STAU1: variants seen among roughly 807,000 people sequenced by gnomAD.
The protein encoded by STAU1 is double-stranded RNA-binding protein Staufen homolog 1.
STAU1 carries 13 observed loss-of-function variants against 62.9 expected under a neutral mutation model. That is an observed-to-expected ratio of 0.21 (90% CI 0.13 to 0.33). The LOEUF is 0.33. STAU1 is among the 10% of genes least tolerant of loss of function. STAU1 has a pLI of 1.00. For missense variants in STAU1, 571 were observed against 712.1 expected (o/e 0.80, Z 2.25); for synonymous variants, 269 against 265.1 (o/e 1.01, Z -0.14).
intron 5 of STAU1, among the ~76,000 whole-genome samples, chr20:49,141,154 T>C (rs956241583): frequency 8.5e-5 from 13 of 152,184 alleles, no homozygotes; most frequent in African/African-American, 3.1e-4. Context: ...TCAGCCCAAT[T>C]AGGTTTAACT....
At chr20:49,191,101 C>T (rs989212050), upstream of STAU1, among the ~76,000 whole-genome samples, 2 of 151,684 alleles carry the variant, frequency 1.3e-5, no homozygotes, top group African/African-American at 2.4e-5. Context: ...GATCTCGGCT[C>T]ACTGCAACCT....
chr20:49,143,183 C>T (rs1269413583), intron 5 of STAU1, among the ~76,000 whole-genome samples: 2 of 152,170 alleles, frequency 1.3e-5, no homozygotes, highest in Non-Finnish European at 2.9e-5. Flanking sequence ...TCTACAAAAA[C>T]CATTCCCAGT....
the STAU1 span, among the ~76,000 whole-genome samples, chr20:49,217,427 C>T: frequency 1.3e-5 from 2 of 152,070 alleles, no homozygotes; most frequent in Non-Finnish European, 2.9e-5. Flanking sequence ...ACGGGCACAG[C>T]TTATTAATTT....
chr20:49,178,211 A>T (rs1258596264), intron 1 of STAU1, among the ~76,000 whole-genome samples: 1 of 152,216 alleles, frequency 6.6e-6, no homozygotes, highest in East Asian at 1.9e-4. Flanking sequence ...TCCATATGCA[A>T]ATCTATTTTT....
At chr20:49,219,182 CCCT>C in the STAU1 span, 1 of 621,448 alleles carries the variant, frequency 1.6e-6, no homozygotes, top group South Asian at 2.0e-5. Flanking sequence ...CACCCTTCCA[CCCT>C]CCTCAAATAC....
At chr20:49,133,522 T>TC (rs1178787574) in intron 6 of STAU1, among the ~76,000 whole-genome samples, 1 of 152,110 alleles carries the variant, frequency 6.6e-6, no homozygotes, top group Non-Finnish European at 1.5e-5. Flanking sequence ...ACCTCATGAC[T>TC]CCTTGGGATG....
intron 1 of STAU1, among the ~76,000 whole-genome samples, chr20:49,175,036 G>A (rs1248387530): frequency 6.6e-6 from 1 of 152,046 alleles, no homozygotes; most frequent in African/African-American, 2.4e-5. Context: ...CACACCTGTA[G>A]TCCCAGCTAC....
Position 49,185,329 on chromosome 20 carries a change from T to C in STAU1, c.-160+2787A>G, listed in dbSNP as rs753506026. Among the ~76,000 whole-genome samples, 174 of 152,242 alleles carry C rather than the reference T, an allele frequency of 1.1e-3. 1 individual carries two copies. Among genetic ancestry groups the C allele is most frequent in the Non-Finnish European group, 2.1e-3 (143 of 68,040 alleles). On this transcript the variant is annotated intron_variant, in intron 1 of 13. Coordinates refer to ENST00000371856, the MANE Select transcript of STAU1 (RefSeq NM_017453.4). ...AAACAGGACTGGGGAAATCTGTATT[T>C]GTTCGCTTTTCAATTATAGTCATTA... is the stretch of plus-strand genomic sequence containing the variant.
chr20:49,148,283 G>A (rs2093169723), intron 5 of STAU1, among the ~76,000 whole-genome samples: 2 of 152,112 alleles, frequency 1.3e-5, no homozygotes, highest in South Asian at 4.1e-4. Flanking sequence ...CATGCAACGT[G>A]TCGCAGTCAA....
intron 1 of STAU1, 138 bp from the exon 2 acceptor site, chr20:49,174,407 C>T (rs2093633238): frequency 6.6e-6 from 1 of 152,180 alleles, no homozygotes. Context: ...TTTGAGGCAG[C>T]ATGCAGTAGA....
chr20:49,180,979 A>G (rs2093717744), intron 1 of STAU1, among the ~76,000 whole-genome samples: 2 of 152,172 alleles, frequency 1.3e-5, no homozygotes, highest in Non-Finnish European at 2.9e-5. Flanking sequence ...GTTCAGTGGA[A>G]AGAACACTGA....
intron 3 of STAU1, chr20:49,158,833 C>T (rs1343484794): frequency 1.5e-5 from 12 of 790,868 alleles, no homozygotes; most frequent in Admixed American, 3.4e-5. Context: ...GGCGCGGTGG[C>T]TCATGCCTGT....
chr20:49,142,671 C>A (rs972199180), intron 5 of STAU1, among the ~76,000 whole-genome samples: 1 of 152,106 alleles, frequency 6.6e-6, no homozygotes, highest in Non-Finnish European at 1.5e-5. Flanking sequence ...TTAAATAAGT[C>A]CCCAGGTGAC....
chr20:49,178,036 G>A (rs1304271904), intron 1 of STAU1, among the ~76,000 whole-genome samples: 2 of 152,018 alleles, frequency 1.3e-5, no homozygotes, highest in Non-Finnish European at 2.9e-5. Flanking sequence ...AACTAGCTAG[G>A]CATGATGGCA....
chr20:49,147,744 G>A (rs537282163), intron 5 of STAU1, among the ~76,000 whole-genome samples: 1 of 152,308 alleles, frequency 6.6e-6, no homozygotes, highest in East Asian at 1.9e-4. Flanking sequence ...TTCACATAGT[G>A]GAACATTTTG....
intron 1 of STAU1, among the ~76,000 whole-genome samples, chr20:49,186,095 T>C (rs1417216837): frequency 6.6e-6 from 1 of 152,006 alleles, no homozygotes; most frequent in Non-Finnish European, 1.5e-5. Flanking sequence ...CCACCGCGCC[T>C]AACCTGCTTA....
intron 2 of STAU1, among the ~76,000 whole-genome samples, chr20:49,172,338 T>C (rs1261944273): frequency 6.6e-6 from 1 of 152,236 alleles, no homozygotes; most frequent in Non-Finnish European, 1.5e-5. Context: ...CAAGCTTCCG[T>C]CTCTCCTTCT....
intron 5 of STAU1, among the ~76,000 whole-genome samples, chr20:49,146,346 T>C (rs1421671386): frequency 6.6e-6 from 1 of 152,148 alleles, no homozygotes. Flanking sequence ...CAAGTGAAGA[T>C]AAAGACTCAA....
the STAU1 span, among the ~76,000 whole-genome samples, chr20:49,206,740 TATATATA>T: frequency 4.7e-4 from 64 of 134,902 alleles, no homozygotes; most frequent in African/African-American, 1.8e-3. Context: ...TATATATATA[TATATATA>T]TATATTTTAT....
Sources: allele counts gnomAD v4.1 joint callset (sites outside exome capture counted in the v4.1 genomes callset), GRCh38; gene constraint gnomAD v4.1.1; transcripts MANE v1.5; gene names NCBI Gene and HGNC (gene_info 2026-07-23, HGNC 2026-07-21).